The following LARP1 variants were observed in gnomAD, a reference collection of about 807,000 sequenced individuals.
The protein encoded by LARP1 is la-related protein 1.
A neutral mutation model predicts 122.7 loss-of-function variants in LARP1; 36 were observed. That is an observed-to-expected ratio of 0.29 (90% CI 0.22 to 0.39). The LOEUF (loss-of-function observed/expected upper bound fraction) is 0.39. Ranked by LOEUF, LARP1 falls within the 10% of genes least tolerant of loss-of-function variation. The probability of loss-of-function intolerance (pLI) is 1.00; values close to 1 mark genes in which losing one functional copy is unlikely to be tolerated. For synonymous variants in LARP1, 539 were observed against 528.7 expected, an observed-to-expected ratio of 1.02 and a Z score of -0.27; for missense variants, 1,040 against 1,403.6, an observed-to-expected ratio of 0.74 and a Z score of 4.14.
At chr5:154,740,754 T>C (rs539830327) in intron 1 of LARP1, among the ~76,000 whole-genome samples, 6 of 152,352 alleles carry the variant, frequency 3.9e-5, no homozygotes, top group African/African-American at 1.2e-4. Context: ...TGAAAGGCAC[T>C]GAGGGCCCCT....
intron 1 of LARP1, among the ~76,000 whole-genome samples, chr5:154,703,619 A>T (rs1754821231): frequency 6.6e-6 from 1 of 152,012 alleles, no homozygotes; most frequent in Non-Finnish European, 1.5e-5. Context: ...GTCTCTAAAA[A>T]ACATTTTTTT....
chr5:154,772,163 A>T (rs1755490627), intron 1 of LARP1, among the ~76,000 whole-genome samples: 1 of 152,356 alleles, frequency 6.6e-6, no homozygotes, highest in South Asian at 2.1e-4. Context: ...TAGCCACGTA[A>T]ATTAAAATTT....
chr5:154,688,611 AC>A (rs1025946336), intron 1 of LARP1, among the ~76,000 whole-genome samples: 2 of 126,346 alleles, frequency 1.6e-5, no homozygotes, highest in Admixed American at 2.0e-4. Context: ...CCAAGATCAC[AC>A]CCCTGCACTC....
intron 1 of LARP1, among the ~76,000 whole-genome samples, chr5:154,775,449 A>G (rs558244661): frequency 9.3e-5 from 14 of 150,922 alleles, no homozygotes; most frequent in Non-Finnish European, 1.8e-4. Flanking sequence ...AACTGTGATC[A>G]TGCCACTGCA....
At chr5:154,792,344 T>G (rs1370256942) in intron 3 of LARP1, among the ~76,000 whole-genome samples, 3 of 152,200 alleles carry the variant, frequency 2.0e-5, no homozygotes, top group Admixed American at 6.5e-5. Context: ...GGGAATAATT[T>G]TGCCCCTGTG....
intron 8 of LARP1, among the ~76,000 whole-genome samples, chr5:154,796,055 A>ATATATT (rs1757783109): frequency 2.1e-5 from 2 of 94,752 alleles, no homozygotes; most frequent in Non-Finnish European, 3.9e-5. Flanking sequence ...ATATTTATAT[A>ATATATT]TTATATATTT....
At chr5:154,731,868 A>C (rs1756587588) in intron 1 of LARP1, among the ~76,000 whole-genome samples, 1 of 152,008 alleles carries the variant, frequency 6.6e-6, no homozygotes. Flanking sequence ...CTGAAAATAC[A>C]AAAATTAGCT....
intron 1 of LARP1, among the ~76,000 whole-genome samples, chr5:154,744,676 CG>C (rs532550095): frequency 2.4e-5 from 2 of 83,910 alleles, no homozygotes; most frequent in African/African-American, 1.2e-4. Context: ...CTCGCTCTGT[CG>C]CCCAGGCTGG....
At chr5:154,759,922 T>A (rs936880029) in intron 1 of LARP1, among the ~76,000 whole-genome samples, 8 of 90,324 alleles carry the variant, frequency 8.9e-5, no homozygotes, top group South Asian at 7.0e-4. Flanking sequence ...GGGCTAAGTT[T>A]GTTTGTTTGT....
chr5:154,811,181 T>C, intron 16 of LARP1, 66 bp from the exon 17 acceptor site: 7 of 1,158,058 alleles, frequency 6.0e-6, no homozygotes, highest in African/African-American at 1.5e-5. Flanking sequence ...TCCTCTGTTA[T>C]GCAGGCACAT....
chr5:154,785,415 G>A (rs73276780), intron 1 of LARP1, among the ~76,000 whole-genome samples: 7,574 of 152,244 alleles, frequency 0.05, 322 homozygotes, highest in African/African-American at 0.12. Flanking sequence ...TGAGGGTGGC[G>A]ATTGCTTGGA....
intron 16 of LARP1, 92 bp downstream of exon 16, chr5:154,808,695 C>G (rs1013907458): frequency 1.1e-5 from 14 of 1,328,706 alleles, no homozygotes; most frequent in Non-Finnish European, 1.4e-5. Flanking sequence ...GTTGGAAATT[C>G]CTTGCATGTG....
At chr5:154,744,616 ATTTTTTTTTTTTTTTTTTTTTTTTTTT>A (rs748853573) in intron 1 of LARP1, among the ~76,000 whole-genome samples, 5 of 71,966 alleles carry the variant, frequency 6.9e-5, no homozygotes, top group Non-Finnish European at 1.4e-4. Context: ...TGGATATGCA[ATTTTTTTTTTTTTTTTTTTTTTTTTTT>A]TTTTTTTTTT....
intron 1 of LARP1, among the ~76,000 whole-genome samples, chr5:154,781,923 C>A (rs1194631523): frequency 6.6e-6 from 1 of 152,168 alleles, no homozygotes; most frequent in African/African-American, 2.4e-5. Flanking sequence ...CACACAGATG[C>A]AACCATTTCA....
Position 154,707,754 on chromosome 5 carries a change from G to T in LARP1, c.-180+24717G>T, listed in dbSNP as rs1033652170. 2.6e-5 allele frequency among the ~76,000 whole-genome samples: 4 copies of T among 152,228 alleles called. No homozygotes were observed. In the South Asian group the frequency reaches 6.2e-4, roughly 24 times the overall value. On this transcript the variant is annotated intron_variant, in intron 1 of 18. Coordinates refer to the LARP1 transcript ENST00000687700. Reference sequence around the variant, plus strand: ...TGCAACTAGACGGTCCCATTTGGGGGTGATGGGAGATAGTGACACCCAAAG... The same window carrying T: ...TGCAACTAGACGGTCCCATTTGGGGTTGATGGGAGATAGTGACACCCAAAG...
Position 154,804,294 on chromosome 5 carries a change from A to G in LARP1, c.2533A>G (p.Thr845Ala). The G allele has an allele frequency of 6.2e-7, 1 of 1,613,736 alleles. No homozygotes were observed. The highest frequency in any genetic ancestry group is 8.5e-7 in the Non-Finnish European group (1 of 1,179,656). The part of the protein sequence containing the change: ...VMDSREHRPR[T>A]ASISSSPSEG... ...GGATTCCCGTGAGCACAGGCCCCGT[A>G]CTGCTTCCATCAGGTACCTGGGGCA... Residue 845 changes from threonine (T) to alanine (A), a missense_variant, in exon 14 of 19, where the codon ACT (threonine) becomes GCT (alanine). By Grantham distance (58) the Thr-to-Ala change is moderately conservative. Around this residue, in one of 8 missense-constraint regions of LARP1, gnomAD observed 26 missense variants for 27.5 expected, o/e 0.94. Coordinates refer to ENST00000518297, the MANE Select transcript of LARP1 (RefSeq NM_033551.3).
In LARP1 at chr5:154,803,231, AC is replaced by A. The variant is rs1422360874; in HGVS notation, c.2110-58del. On this transcript the variant is annotated intron_variant, in intron 11 of 18. Coordinates refer to ENST00000518297, the MANE Select transcript of LARP1 (RefSeq NM_033551.3). This position sits in a 1 kb window ranked among gnomAD's most constrained non-coding sequence, Gnocchi z 4.4. ...CTTCCTGCCAGTCTTGATTCCTTAAACAGGCTAGAGCAGCCTGCTTACTTAC... is the reference window on the plus strand; with the variant it reads ...CTTCCTGCCAGTCTTGATTCCTTAAAAGGCTAGAGCAGCCTGCTTACTTAC... 1.2e-6 allele frequency: 2 copies of A among 1,605,952 alleles called. No individual in the cohort carries two copies. Among genetic ancestry groups the A allele is most frequent in the African/African-American group, 2.7e-5 (2 of 74,674 alleles).
At chr5:154,729,082 G>A (rs1756399856) in intron 1 of LARP1, 1 of 152,500 alleles carries the variant, frequency 6.6e-6, no homozygotes, top group Non-Finnish European at 1.5e-5. Context: ...GCAGGAGCCT[G>A]AAGCTCAAGA....
upstream of LARP1, among the ~76,000 whole-genome samples, chr5:154,753,407 A>G (rs2113523993): frequency 6.6e-6 from 1 of 152,302 alleles, no homozygotes; most frequent in South Asian, 2.1e-4. Context: ...GATCACAATG[A>G]CTGCACTCCA....
Sources: allele counts gnomAD v4.1 joint callset (sites outside exome capture counted in the v4.1 genomes callset), GRCh38; gene constraint gnomAD v4.1.1; regional missense constraint gnomAD v4.1.1; non-coding constraint Gnocchi (gnomAD v3.1); transcripts MANE v1.5; gene names NCBI Gene and HGNC (gene_info 2026-07-23, HGNC 2026-07-21).